Variants in COL25A1 observed in about 807,000 individuals in gnomAD.
COL25A1 encodes collagen alpha-1(XXV) chain.
In COL25A1, 103 loss-of-function variants were observed where a neutral mutation model predicts 128.4. The ratio of observed to expected loss-of-function variants is 0.80; its 90% CI spans 0.68 to 0.94. The LOEUF is 0.94. COL25A1 is among the 40% of genes least tolerant of loss of function. COL25A1 has a pLI of 0.00. For missense variants in COL25A1, 745 were observed against 840.0 expected (o/e 0.89, Z 1.40); for synonymous variants, 279 against 277.2 (o/e 1.01, Z -0.06).
At chr4:109,064,819 C>T (rs549014760) in intron 3 of COL25A1, among the ~76,000 whole-genome samples, 2 of 152,144 alleles carry the variant, frequency 1.3e-5, no homozygotes, top group Non-Finnish European at 2.9e-5. Context: ...GTCTCTAGTA[C>T]CTACAAAAGC....
chr4:109,286,638 G>C (rs879626168), intron 3 of COL25A1, among the ~76,000 whole-genome samples: 1 of 152,172 alleles, frequency 6.6e-6, no homozygotes, highest in African/African-American at 2.4e-5. Context: ...GGTTATGGAA[G>C]CCAAGGAGTG....
chr4:109,069,316 A>AT (rs1762725490), intron 3 of COL25A1, among the ~76,000 whole-genome samples: 1 of 151,762 alleles, frequency 6.6e-6, no homozygotes, highest in Non-Finnish European at 1.5e-5. Flanking sequence ...GGCTCAATCA[A>AT]TTCTCTCACC....
intron 6 of COL25A1, among the ~76,000 whole-genome samples, chr4:108,991,881 A>G (rs554090584): frequency 6.6e-6 from 1 of 152,304 alleles, no homozygotes; most frequent in African/African-American, 2.4e-5. Context: ...GCCCCAAAAT[A>G]TAATATTTTA....
At chr4:109,208,726 TC>T (rs1224780828) in intron 3 of COL25A1, among the ~76,000 whole-genome samples, 1 of 152,114 alleles carries the variant, frequency 6.6e-6, no homozygotes, top group Non-Finnish European at 1.5e-5. Context: ...TATACATGAG[TC>T]CACATAACTT....
chr4:108,925,361 G>A (rs948314487), intron 11 of COL25A1, among the ~76,000 whole-genome samples: 2 of 152,076 alleles, frequency 1.3e-5, no homozygotes, highest in African/African-American at 2.4e-5. Flanking sequence ...TGGTGGGGGC[G>A]GGGCGGTCAT....
Position 109,260,328 on chromosome 4 carries a change from A to T in COL25A1, c.367+40255T>A, listed in dbSNP as rs536010737. ...GAAAACACTGGGTCAAATTTTTTTT[A>T]AAAATTGGGTACAATGGGGAAGGAG... is the stretch of plus-strand genomic sequence containing the variant. On this transcript the variant is annotated intron_variant, in intron 3 of 37. Transcript: ENST00000399132. 7.9e-4 allele frequency among the ~76,000 whole-genome samples: 120 copies of T among 152,278 alleles called. 1 individual carries two copies. The Middle Eastern group carries it at 0.024, about 30-fold the overall frequency.
Position 109,047,403 on chromosome 4 carries a change from C to G in COL25A1, c.420+765G>C, listed in dbSNP as rs538293100. On this transcript the variant is annotated intron_variant, in intron 5 of 37. Coordinates refer to ENST00000399132, the MANE Select transcript of COL25A1 (RefSeq NM_198721.4). ...ATAAACGTTTTTCATCATATGTTCT[C>G]ACTCATAAGTGGGAGCTAAGCTATG... is the stretch of plus-strand genomic sequence containing the variant. 6.6e-5 allele frequency among the ~76,000 whole-genome samples: 10 copies of G among 152,188 alleles called. No individual in the cohort carries two copies. In the East Asian group the frequency reaches 1.9e-3, roughly 29 times the overall value.
At chr4:109,273,358 C>T (rs1782329026) in intron 3 of COL25A1, among the ~76,000 whole-genome samples, 1 of 152,072 alleles carries the variant, frequency 6.6e-6, no homozygotes, top group Non-Finnish European at 1.5e-5. Flanking sequence ...AATAATTGAA[C>T]ATTTTAATGT....
intron 3 of COL25A1, among the ~76,000 whole-genome samples, chr4:109,209,780 A>G (rs113295808): frequency 0.013 from 1,988 of 152,070 alleles, 38 homozygotes; most frequent in African/African-American, 0.036. Context: ...AAGCCTGGAG[A>G]GGTGGCTCAC....
chr4:109,050,790 C>G (rs564370619), intron 3 of COL25A1, among the ~76,000 whole-genome samples: 1 of 152,040 alleles, frequency 6.6e-6, no homozygotes, highest in East Asian at 1.9e-4. Context: ...AATTATAGGC[C>G]TGATTTTTCT....
chr4:108,853,738 C>T (rs1184083781), intron 24 of COL25A1, among the ~76,000 whole-genome samples: 1 of 151,362 alleles, frequency 6.6e-6, no homozygotes, highest in African/African-American at 2.4e-5. Context: ...CATTGTTCAA[C>T]TCCCACTTAT....
chr4:108,956,100 T>C (rs1032468989), intron 8 of COL25A1, among the ~76,000 whole-genome samples: 7 of 152,180 alleles, frequency 4.6e-5, no homozygotes, highest in Non-Finnish European at 8.8e-5. Flanking sequence ...AAAATTTGTA[T>C]TGACCTAAGT....
chr4:109,248,712 C>T (rs72892722), intron 3 of COL25A1, among the ~76,000 whole-genome samples: 2,157 of 152,160 alleles, frequency 0.014, 45 homozygotes, highest in African/African-American at 0.05. Flanking sequence ...GACATCAGTC[C>T]AGCTCTCCGG....
chr4:108,852,367 TTA>T (rs1735890178), intron 25 of COL25A1, 87 bp from the exon 26 acceptor site: 4 of 954,578 alleles, frequency 4.2e-6, no homozygotes, highest in Non-Finnish European at 4.7e-6. Flanking sequence ...TACACCTTCC[TTA>T]TTTCTATCGT....
In COL25A1 at chr4:108,968,324, T is replaced by C. The variant is rs551675036; in HGVS notation, c.492+6043A>G. Among the ~76,000 whole-genome samples the C allele has an allele frequency of 1.6e-4, 25 of 152,276 alleles. No individual in the cohort carries two copies. In the East Asian group the frequency reaches 4.8e-3, roughly 29 times the overall value. ...TCAAAGACGGTCAACTTTCCTACCA[T>C]TACCTTTTAACTTCTTGCAATCTGA... is the stretch of plus-strand genomic sequence containing the variant. On this transcript the variant is annotated intron_variant, in intron 8 of 37. Transcript: ENST00000399132.
At chr4:109,081,316 C>A (rs926152758) in intron 3 of COL25A1, among the ~76,000 whole-genome samples, 1 of 152,066 alleles carries the variant, frequency 6.6e-6, no homozygotes, top group Non-Finnish European at 1.5e-5. Flanking sequence ...AAGGGATATA[C>A]AAAAATTATA....
intron 3 of COL25A1, among the ~76,000 whole-genome samples, chr4:109,164,171 T>C (rs552375605): frequency 1.3e-5 from 2 of 152,076 alleles, no homozygotes; most frequent in African/African-American, 2.4e-5. Context: ...CAATGGAATG[T>C]AGGCAGAAGT....
At chr4:108,896,860 A>G (rs1701737737) in intron 15 of COL25A1, 149 bp from the exon 16 acceptor site, 1 of 687,126 alleles carries the variant, frequency 1.5e-6, no homozygotes, top group Admixed American at 2.7e-5. Flanking sequence ...ATACTTGACC[A>G]GTTGTCTGAT....
chr4:109,220,044 T>G (rs74904120), intron 3 of COL25A1, among the ~76,000 whole-genome samples: 13,157 of 152,226 alleles, frequency 0.086, 1,185 homozygotes, highest in African/African-American at 0.23. Flanking sequence ...TTTATAGTCT[T>G]ACTTCTAATC....
Sources: allele counts gnomAD v4.1 joint callset (sites outside exome capture counted in the v4.1 genomes callset), GRCh38; gene constraint gnomAD v4.1.1; transcripts MANE v1.5; gene names NCBI Gene and HGNC (gene_info 2026-07-23, HGNC 2026-07-21).